STAG1: variants seen among roughly 807,000 people sequenced by gnomAD.
The protein encoded by STAG1 is cohesin subunit SA-1.
STAG1 carries 26 observed loss-of-function variants against 170.9 expected under a neutral mutation model. That is an observed-to-expected ratio of 0.15 (90% CI 0.11 to 0.21). The LOEUF (loss-of-function observed/expected upper bound fraction) is 0.21, where lower values mean the gene tolerates loss of function less well. Among genes scored for constraint, STAG1 ranks in the 10% least tolerant of loss-of-function variants. STAG1 has a pLI of 1.00. For synonymous variants in STAG1, 514 were observed against 497.7 expected (o/e 1.03, Z -0.44); for missense variants, 964 against 1,509.5 (o/e 0.64, Z 5.99).
chr3:136,478,749 T>C (rs1481378158), intron 9 of STAG1, among the ~76,000 whole-genome samples: 2 of 152,200 alleles, frequency 1.3e-5, no homozygotes, highest in Non-Finnish European at 2.9e-5. Flanking sequence ...TACTGCCAAT[T>C]ACAACCTTTA....
intron 13 of STAG1, among the ~76,000 whole-genome samples, chr3:136,462,547 T>G (rs147914935): frequency 5.4e-4 from 82 of 152,092 alleles, no homozygotes; most frequent in African/African-American, 2.0e-3. Flanking sequence ...TAAAGAGAGG[T>G]TGGTTAATGG....
chr3:136,380,209 C>G (rs1170089241), intron 22 of STAG1, among the ~76,000 whole-genome samples: 1 of 151,994 alleles, frequency 6.6e-6, no homozygotes, highest in Non-Finnish European at 1.5e-5. Context: ...TTAATCATTA[C>G]TGTGTATTTT....
At chr3:136,353,667 A>G (rs1268191309) in intron 28 of STAG1, among the ~76,000 whole-genome samples, 2 of 152,166 alleles carry the variant, frequency 1.3e-5, no homozygotes, top group Non-Finnish European at 2.9e-5. Flanking sequence ...CAGCCTCCCA[A>G]AATGCTGGGT....
intron 15 of STAG1, among the ~76,000 whole-genome samples, chr3:136,434,891 C>T (rs1450332999): frequency 6.6e-6 from 1 of 152,010 alleles, no homozygotes; most frequent in South Asian, 2.1e-4. Flanking sequence ...GCATTTATTT[C>T]TGATGATAGT....
chr3:136,400,560 A>G (rs1281075912), intron 21 of STAG1, among the ~76,000 whole-genome samples: 3 of 134,434 alleles, frequency 2.2e-5, no homozygotes, highest in Non-Finnish European at 3.2e-5. Flanking sequence ...TTTTGAGACG[A>G]AGTCTCGCTT....
At chr3:136,344,413 G>A (rs1428411612) in intron 29 of STAG1, among the ~76,000 whole-genome samples, 4 of 152,088 alleles carry the variant, frequency 2.6e-5, no homozygotes, top group African/African-American at 4.8e-5. Flanking sequence ...CCTCGTAGGG[G>A]TCCCAGGCAG....
intron 29 of STAG1, among the ~76,000 whole-genome samples, chr3:136,347,024 G>A (rs992099361): frequency 6.6e-6 from 1 of 151,352 alleles, no homozygotes; most frequent in Admixed American, 6.6e-5. Flanking sequence ...CTTGAGCCAG[G>A]GAGGTTGAGG....
At chr3:136,736,185 C>T (rs1357657319) in intron 1 of STAG1, among the ~76,000 whole-genome samples, 5 of 152,172 alleles carry the variant, frequency 3.3e-5, no homozygotes, top group African/African-American at 9.7e-5. Context: ...AAGTTTCTAA[C>T]CATCACAATT....
intron 9 of STAG1, among the ~76,000 whole-genome samples, chr3:136,488,843 T>A: frequency 6.6e-6 from 1 of 152,222 alleles, no homozygotes; most frequent in East Asian, 1.9e-4. Context: ...TATTTCCTCA[T>A]AAGAGTCCTC....
intron 1 of STAG1, among the ~76,000 whole-genome samples, chr3:136,697,334 T>C (rs571473474): frequency 6.6e-6 from 1 of 152,336 alleles, no homozygotes; most frequent in Non-Finnish European, 1.5e-5. Context: ...ACTAAAAGCA[T>C]CTGCATCAAC....
Position 136,357,819 on chromosome 3 carries a change from T to G in STAG1, c.2966A>C (p.Gln989Pro). ...KDGIEFAFKYQNQKGQEYPPP... is the reference protein window; with the variant it reads ...KDGIEFAFKYPNQKGQEYPPP... ...TGGATACTCTTGTCCTTTCTGATTT[T>G]GGTATTTAAATGCAAACTCTATGCC... Residue 989 changes from glutamine to proline, a missense_variant, in exon 28 of 34, where the codon CAA becomes CCA. Transcript: ENST00000383202. 6.2e-7 allele frequency: 1 copy of G among 1,600,454 alleles called. No homozygotes were observed. The highest frequency in any genetic ancestry group is 8.5e-7 in the Non-Finnish European group (1 of 1,176,406).
intron 7 of STAG1, among the ~76,000 whole-genome samples, chr3:136,512,096 TAA>T (rs35238532): frequency 4.4e-5 from 3 of 68,298 alleles, no homozygotes; most frequent in East Asian, 4.6e-4. Flanking sequence ...CTCTACAAAA[TAA>T]AAAAAAAAAA....
At chr3:136,734,136 AAAAC>A (rs2107943249) in intron 1 of STAG1, among the ~76,000 whole-genome samples, 1 of 151,850 alleles carries the variant, frequency 6.6e-6, no homozygotes, top group Non-Finnish European at 1.5e-5. Context: ...AAACAAAACA[AAAAC>A]AAAACAAAAA....
At chr3:136,352,771 A>T (rs1052193061) in intron 28 of STAG1, among the ~76,000 whole-genome samples, 6 of 152,132 alleles carry the variant, frequency 3.9e-5, no homozygotes, top group Admixed American at 3.9e-4. Flanking sequence ...GTGTTACATG[A>T]TATTATCAAA....
At chr3:136,751,460 G>A (rs1935233262) in intron 1 of STAG1, among the ~76,000 whole-genome samples, 1 of 151,768 alleles carries the variant, frequency 6.6e-6, no homozygotes, top group Non-Finnish European at 1.5e-5. Flanking sequence ...ACTTTTATTG[G>A]CCTCGTCTCT....
intron 23 of STAG1, among the ~76,000 whole-genome samples, chr3:136,374,269 C>T (rs1282886998): frequency 6.6e-6 from 1 of 151,840 alleles, no homozygotes; most frequent in Non-Finnish European, 1.5e-5. Flanking sequence ...GGATACAGCA[C>T]ACTGTATTTA....
At chr3:136,624,233 G>C (rs557222284) in intron 2 of STAG1, among the ~76,000 whole-genome samples, 77 of 151,852 alleles carry the variant, frequency 5.1e-4, no homozygotes, top group African/African-American at 1.8e-3. Flanking sequence ...CAAGTAGCTG[G>C]GACTACAGGC....
chr3:136,565,327 A>G (rs573421581), intron 5 of STAG1, among the ~76,000 whole-genome samples: 1 of 152,206 alleles, frequency 6.6e-6, no homozygotes, highest in Admixed American at 6.5e-5. Flanking sequence ...ACAACTCATC[A>G]ACAAAAAGAC....
rs76194625 is a variant in STAG1, at chr3:136,543,664, T to C, written c.395-1469A>G. 2.0e-5 allele frequency among the ~76,000 whole-genome samples: 3 copies of C among 152,310 alleles called. No homozygotes were observed. In the East Asian group the frequency reaches 5.8e-4, roughly 29 times the overall value. ...GACACTAGAAAAGTCACTTAGTCTC[T>C]ATGAAACTAGGATTTCTAATCTTTT... On this transcript the variant is annotated intron_variant, in intron 5 of 33. Coordinates refer to ENST00000383202, the MANE Select transcript of STAG1 (RefSeq NM_005862.3).
Sources: gnomAD v4.1 joint callset for allele counts (sites outside exome capture counted in the v4.1 genomes callset) on GRCh38, gnomAD v4.1.1 for gene constraint, MANE v1.5 for transcripts, NCBI Gene and HGNC (gene_info 2026-07-23, HGNC 2026-07-21) for gene names.